NEDD4L: variants seen among roughly 807,000 people sequenced by gnomAD.
NEDD4L encodes NEDD4 like E3 ubiquitin protein ligase, also known as E3 ubiquitin-protein ligase NEDD4-like.
In NEDD4L, 54 loss-of-function variants were observed where a neutral mutation model predicts 148.9. The observed-to-expected ratio is 0.36, with a 90% confidence interval of 0.29 to 0.45. The LOEUF is 0.45. Ranked by LOEUF, NEDD4L falls within the 20% of genes least tolerant of loss-of-function variation. NEDD4L has a pLI of 1.00. For synonymous variants in NEDD4L, 433 were observed against 440.7 expected, an observed-to-expected ratio of 0.98 and a Z score of 0.22; for missense variants, 856 against 1,233.8, an observed-to-expected ratio of 0.69 and a Z score of 4.59.
At position 58,390,851 on chromosome 18, in the gene NEDD4L, G is replaced by A; in HGVS notation, c.2752+109G>A. 5 of 759,420 alleles carry A rather than the reference G, an allele frequency of 6.6e-6. No individual in the cohort carries two copies. In the South Asian group the frequency reaches 7.4e-5, roughly 11 times the overall value. 47.0% of individuals were successfully genotyped at this position (759,420 alleles called of 1,614,324 possible). A position where few individuals can be genotyped will look rare whatever the true frequency, so the allele number is the denominator to read the frequency against. On this transcript the variant is annotated intron_variant, in intron 29 of 30. Transcript: ENST00000400345. Reference sequence around the variant, plus strand: ...GGCCTCTGCAGAAGGCTAAGTTTCAGGACAGTGTGCCATGCATAGGTTCCA... The same window carrying A: ...GGCCTCTGCAGAAGGCTAAGTTTCAAGACAGTGTGCCATGCATAGGTTCCA...
At chr18:58,252,530 A>G (rs1300876763) in intron 5 of NEDD4L, among the ~76,000 whole-genome samples, 1 of 152,220 alleles carries the variant, frequency 6.6e-6, no homozygotes, top group Non-Finnish European at 1.5e-5. Flanking sequence ...TTTAGCAGGT[A>G]AAGTCAAGCC....
intron 2 of NEDD4L, among the ~76,000 whole-genome samples, chr18:58,188,993 C>A (rs934526680): frequency 6.6e-6 from 1 of 151,966 alleles, no homozygotes; most frequent in Admixed American, 6.6e-5. Context: ...GAACCAAGAC[C>A]TTTTCTTCAC....
chr18:58,063,026 T>C (rs1217360137), intron 1 of NEDD4L, among the ~76,000 whole-genome samples: 1 of 144,458 alleles, frequency 6.9e-6, no homozygotes, highest in Non-Finnish European at 1.5e-5. Flanking sequence ...GTCGATAATT[T>C]CATTTATTTG....
intron 1 of NEDD4L, among the ~76,000 whole-genome samples, chr18:58,102,056 C>A (rs899289851): frequency 9.2e-5 from 14 of 152,100 alleles, no homozygotes; most frequent in Admixed American, 7.9e-4. Flanking sequence ...TAACTCCTAG[C>A]CTAATTTTAT....
chr18:58,082,944 T>TTC (rs2083547834), intron 1 of NEDD4L, among the ~76,000 whole-genome samples: 1 of 152,202 alleles, frequency 6.6e-6, no homozygotes. Context: ...AGCAGTTTCA[T>TTC]TCATCAATCA....
At chr18:58,113,385 G>A (rs2085536669) in intron 1 of NEDD4L, among the ~76,000 whole-genome samples, 3 of 152,238 alleles carry the variant, frequency 2.0e-5, no homozygotes, top group Admixed American at 2.0e-4. Context: ...AATGGCTGTA[G>A]AAGGAAAGGG....
chr18:58,343,708 T>C (rs901468496), intron 16 of NEDD4L, among the ~76,000 whole-genome samples: 3 of 152,340 alleles, frequency 2.0e-5, no homozygotes, highest in African/African-American at 7.2e-5. Context: ...TACTCCTGAA[T>C]TGTACCCAAG....
Position 58,069,599 on chromosome 18 carries a change from A to G in NEDD4L, c.48+24891A>G, listed in dbSNP as rs556928134. 6.6e-5 allele frequency among the ~76,000 whole-genome samples: 10 copies of G among 152,302 alleles called. No homozygotes were observed. In the South Asian group the frequency reaches 1.7e-3, roughly 25 times the overall value. On this transcript the variant is annotated intron_variant, in intron 1 of 30. Transcript: ENST00000400345. ...GCAGTCTCTCAGCACACGAATGGGA[A>G]GTGTTAATGCTGTAACTGAGTAACA...
intron 2 of NEDD4L, among the ~76,000 whole-genome samples, chr18:58,209,117 A>T (rs890054199): frequency 6.7e-6 from 1 of 150,048 alleles, no homozygotes; most frequent in African/African-American, 2.5e-5. Context: ...TAGATAAGAG[A>T]TTATAGTTCA....
chr18:58,301,061 T>G (rs1243843898), intron 5 of NEDD4L, among the ~76,000 whole-genome samples: 3 of 152,198 alleles, frequency 2.0e-5, no homozygotes, highest in Non-Finnish European at 4.4e-5. Flanking sequence ...ACAGAAAGTT[T>G]AGGTGATTTC....
chr18:58,114,965 A>C (rs2085689874), intron 1 of NEDD4L, among the ~76,000 whole-genome samples: 2 of 152,184 alleles, frequency 1.3e-5, no homozygotes. Flanking sequence ...ATCCAGGATA[A>C]TCTCCCTATT....
chr18:58,063,949 C>CTTTTTTTTTTTTTTTTTTTT (rs58608106), intron 1 of NEDD4L, among the ~76,000 whole-genome samples: 1 of 129,830 alleles, frequency 7.7e-6, no homozygotes. Flanking sequence ...TATAATGTTT[C>CTTTTTTTTTTTTTTTTTTTT]TTTTTTTTTT....
chr18:58,302,602 C>T (rs180959478), intron 5 of NEDD4L, among the ~76,000 whole-genome samples: 46 of 152,364 alleles, frequency 3.0e-4, no homozygotes, highest in African/African-American at 1.1e-3. Flanking sequence ...TATTTCTCAA[C>T]AGTCAATTTA....
At chr18:58,201,426 C>T (rs2041393839) in intron 2 of NEDD4L, among the ~76,000 whole-genome samples, 1 of 152,162 alleles carries the variant, frequency 6.6e-6, no homozygotes, top group Non-Finnish European at 1.5e-5. Flanking sequence ...GAGCCAACAG[C>T]ATAATGAAAC....
At chr18:58,268,018 T>G (rs2050470230) in intron 5 of NEDD4L, among the ~76,000 whole-genome samples, 1 of 152,034 alleles carries the variant, frequency 6.6e-6, no homozygotes, top group African/African-American at 2.4e-5. Context: ...CTGCGCCTTC[T>G]GATGGTCCCC....
At chr18:58,150,330 G>C (rs2034563760) in intron 1 of NEDD4L, among the ~76,000 whole-genome samples, 2 of 152,224 alleles carry the variant, frequency 1.3e-5, no homozygotes, top group Admixed American at 6.5e-5. Context: ...CGCCTCCTGG[G>C]TTCAAGCAAT....
chr18:58,123,236 T>C (rs571258517), intron 1 of NEDD4L, among the ~76,000 whole-genome samples: 16 of 152,266 alleles, frequency 1.1e-4, no homozygotes, highest in South Asian at 4.2e-4. Context: ...GCCTGTCCAT[T>C]CTTGACTTCT....
At chr18:58,282,795 C>T (rs1172699491) in intron 5 of NEDD4L, among the ~76,000 whole-genome samples, 1 of 152,172 alleles carries the variant, frequency 6.6e-6, no homozygotes, top group Non-Finnish European at 1.5e-5. Flanking sequence ...ATAGAGAACA[C>T]ATTCAATTTG....
intron 2 of NEDD4L, among the ~76,000 whole-genome samples, chr18:58,234,985 A>C (rs568201554): frequency 1.7e-4 from 26 of 152,078 alleles, no homozygotes; most frequent in Non-Finnish European, 3.4e-4. Context: ...CAGATTTTGC[A>C]GTGAGAACTG....
Sources: allele counts gnomAD v4.1 joint callset (sites outside exome capture counted in the v4.1 genomes callset), GRCh38; gene constraint gnomAD v4.1.1; transcripts MANE v1.5; gene names NCBI Gene and HGNC (gene_info 2026-07-23, HGNC 2026-07-21).